The following IPCEF1 variants were observed in gnomAD, a reference collection of about 807,000 sequenced individuals.
IPCEF1 encodes interaction protein for cytohesin exchange factors 1, also known as interactor protein for cytohesin exchange factors 1.
A neutral mutation model predicts 50.9 loss-of-function variants in IPCEF1; 31 were observed. The observed-to-expected ratio is 0.61, with a 90% CI of 0.46 to 0.82. The LOEUF is 0.82. Among genes scored for constraint, IPCEF1 ranks in the 40% least tolerant of loss-of-function variants. IPCEF1 has a pLI of 0.00. For missense variants in IPCEF1, 458 were observed against 514.0 expected (o/e 0.89, Z 1.05); for synonymous variants, 181 against 192.0 (o/e 0.94, Z 0.47).
At chr6:154,273,944 G>A (rs1197389637) in intron 2 of IPCEF1, among the ~76,000 whole-genome samples, 4 of 150,070 alleles carry the variant, frequency 2.7e-5, no homozygotes, top group Non-Finnish European at 4.4e-5. Context: ...TAGTAGAGAC[G>A]GGGTTTCACC....
chr6:154,335,214 T>C (rs1014469068), intron 1 of IPCEF1, among the ~76,000 whole-genome samples: 1 of 152,110 alleles, frequency 6.6e-6, no homozygotes, highest in Admixed American at 6.6e-5. Flanking sequence ...GTTCCAAAGA[T>C]AACTATTTAC....
intron 5 of IPCEF1, among the ~76,000 whole-genome samples, chr6:154,233,101 T>C (rs996469360): frequency 2.7e-4 from 41 of 151,946 alleles, no homozygotes; most frequent in African/African-American, 9.2e-4. Flanking sequence ...CCCAAGTAGC[T>C]GGGGTTACAG....
intron 1 of IPCEF1, among the ~76,000 whole-genome samples, chr6:154,331,423 G>T: frequency 7.2e-6 from 1 of 138,206 alleles, no homozygotes; most frequent in East Asian, 2.2e-4. Flanking sequence ...GAAAAAGAAA[G>T]AGAGAGAGAG....
At chr6:154,331,411 G>GAGAA (rs59091908) in intron 1 of IPCEF1, among the ~76,000 whole-genome samples, 6,911 of 121,308 alleles carry the variant, frequency 0.057, 224 homozygotes, top group Middle Eastern at 0.062. Flanking sequence ...AAGAAAGAGA[G>GAGAA]AGAAAAAGAA....
intron 1 of IPCEF1, among the ~76,000 whole-genome samples, chr6:154,297,329 C>T (rs866225067): frequency 2.4e-4 from 37 of 152,240 alleles, no homozygotes; most frequent in Middle Eastern, 3.4e-3. Flanking sequence ...TGTGAGCCAC[C>T]GCGCCCAGCC....
chr6:154,211,936 A>C (rs1468493747), intron 9 of IPCEF1, among the ~76,000 whole-genome samples: 1 of 152,242 alleles, frequency 6.6e-6, no homozygotes, highest in Admixed American at 6.5e-5. Context: ...GACACTTCAC[A>C]AAAGAGAAAG....
In IPCEF1 at chr6:154,158,986, C is replaced by T. The variant is rs1231373375; in HGVS notation, c.*842G>A. On this transcript the variant is annotated 3_prime_UTR_variant, in exon 12 of 12. Transcript: ENST00000367220. ...TCTTGTCAATATTGATCCTGGGAAACCTGGATATAAATTCACACTATGTAT... is the reference window on the plus strand; with the variant it reads ...TCTTGTCAATATTGATCCTGGGAAATCTGGATATAAATTCACACTATGTAT... The T allele has an allele frequency of 6.6e-6, 1 of 151,970 alleles. No individual in the cohort carries two copies. The highest frequency in any genetic ancestry group is 2.4e-5 in the African/African-American group (1 of 41,358). The allele number at this position is 151,970 out of a possible 1,614,324, so 9.4% of individuals were successfully genotyped here.
intron 1 of IPCEF1, among the ~76,000 whole-genome samples, chr6:154,343,323 A>T (rs1783958037): frequency 6.6e-6 from 1 of 150,382 alleles, no homozygotes; most frequent in South Asian, 2.3e-4. Flanking sequence ...AAAGGGAAAT[A>T]AGTGAAATAA....
At chr6:154,355,231 C>A (rs558329829) in intron 1 of IPCEF1, among the ~76,000 whole-genome samples, 50 of 152,316 alleles carry the variant, frequency 3.3e-4, no homozygotes, top group African/African-American at 1.1e-3. Context: ...CAGCAAACTA[C>A]CGCAGGAAAG....
At chr6:154,183,231 G>A (rs527373604) in intron 10 of IPCEF1, among the ~76,000 whole-genome samples, 69 of 152,026 alleles carry the variant, frequency 4.5e-4, no homozygotes, top group Middle Eastern at 3.4e-3. Flanking sequence ...TGCCCATCTT[G>A]GCCTCCCAAA....
At chr6:154,211,969 G>A (rs956368707) in intron 9 of IPCEF1, among the ~76,000 whole-genome samples, 1 of 152,102 alleles carries the variant, frequency 6.6e-6, no homozygotes, top group East Asian at 1.9e-4. Context: ...ACAAACATGA[G>A]AAGGTGCTTG....
At chr6:154,266,014 A>G in intron 2 of IPCEF1, 50 bp from the exon 3 acceptor site, 5 of 1,015,780 alleles carry the variant, frequency 4.9e-6, no homozygotes, top group Non-Finnish European at 7.6e-6. Context: ...AAGTGTTCAT[A>G]AAAACATATA....
At chr6:154,188,779 C>A (rs1005843537) in intron 10 of IPCEF1, among the ~76,000 whole-genome samples, 10 of 152,080 alleles carry the variant, frequency 6.6e-5, no homozygotes, top group Non-Finnish European at 7.4e-5. Flanking sequence ...ATGGCGTGTA[C>A]AGAAATGATA....
At chr6:154,293,782 T>C (rs1782571011) in intron 1 of IPCEF1, among the ~76,000 whole-genome samples, 1 of 152,252 alleles carries the variant, frequency 6.6e-6, no homozygotes, top group African/African-American at 2.4e-5. Flanking sequence ...TTATTCTTCA[T>C]TTGAATTATT....
chr6:154,199,167 G>A (rs1285967669), intron 10 of IPCEF1, among the ~76,000 whole-genome samples: 1 of 152,186 alleles, frequency 6.6e-6, no homozygotes, highest in East Asian at 1.9e-4. Context: ...TGCACAAAGT[G>A]CATGCAAATT....
intron 9 of IPCEF1, 55 bp downstream of exon 9, chr6:154,212,715 A>G (rs1184040785): frequency 8.5e-7 from 1 of 1,177,260 alleles, no homozygotes; most frequent in African/African-American, 1.5e-5. Context: ...AATTGGAAGA[A>G]ATGACATCCA....
intron 1 of IPCEF1, among the ~76,000 whole-genome samples, chr6:154,308,597 T>A: frequency 6.6e-6 from 1 of 152,212 alleles, no homozygotes; most frequent in African/African-American, 2.4e-5. Context: ...AACATCGTTC[T>A]TTCAGCAAAG....
intron 3 of IPCEF1, among the ~76,000 whole-genome samples, chr6:154,252,511 C>G (rs954257784): frequency 4.6e-5 from 7 of 152,002 alleles, no homozygotes; most frequent in Admixed American, 2.0e-4. Context: ...TCCGTCTCTA[C>G]TAAAAATACA....
intron 10 of IPCEF1, among the ~76,000 whole-genome samples, chr6:154,194,871 T>A (rs188365464): frequency 5.5e-4 from 84 of 152,238 alleles, no homozygotes; most frequent in Non-Finnish European, 7.9e-4. Context: ...TTGATGCCAA[T>A]GATCATATAT....
Sources: allele counts gnomAD v4.1 joint callset (sites outside exome capture counted in the v4.1 genomes callset), GRCh38; gene constraint gnomAD v4.1.1; transcripts MANE v1.5; gene names NCBI Gene and HGNC (gene_info 2026-07-23, HGNC 2026-07-21).